Variants in ITGB5 observed in about 807,000 individuals in gnomAD.
The protein encoded by ITGB5 is integrin beta-5.
ITGB5 carries 38 observed loss-of-function variants against 84.8 expected under a neutral mutation model. The ratio of observed to expected loss-of-function variants is 0.45; its 90% CI spans 0.35 to 0.59. The LOEUF is 0.59. ITGB5 is among the 20% of genes least tolerant of loss of function. The pLI is 0.01. For missense variants in ITGB5, 905 were observed against 1,034.5 expected, an observed-to-expected ratio of 0.87 and a Z score of 1.72; for synonymous variants, 393 against 414.4, an observed-to-expected ratio of 0.95 and a Z score of 0.63.
At chr3:124,811,856 T>C (rs558466544) in intron 8 of ITGB5, among the ~76,000 whole-genome samples, 3 of 152,304 alleles carry the variant, frequency 2.0e-5, no homozygotes, top group South Asian at 2.1e-4. Context: ...CTGGGACCAC[T>C]CTGCTGCACA....
intron 5 of ITGB5, among the ~76,000 whole-genome samples, chr3:124,825,063 G>C (rs977330500): frequency 6.6e-6 from 1 of 152,258 alleles, no homozygotes; most frequent in East Asian, 1.9e-4. Context: ...TGGGCGTGGT[G>C]GTGGGTGCCT....
At chr3:124,790,706 CTTGTTCT>C (rs976344814) in intron 10 of ITGB5, among the ~76,000 whole-genome samples, 2 of 152,030 alleles carry the variant, frequency 1.3e-5, no homozygotes, top group Non-Finnish European at 1.5e-5. Context: ...CATGCTTCTT[CTTGTTCT>C]TTTTTTTTTT....
At chr3:124,829,007 T>C (rs2064822572) in intron 5 of ITGB5, among the ~76,000 whole-genome samples, 1 of 152,200 alleles carries the variant, frequency 6.6e-6, no homozygotes, top group South Asian at 2.1e-4. Flanking sequence ...ATGATACACA[T>C]TGAGCACCCC....
chr3:124,768,290 C>A (rs1440313357), intron 12 of ITGB5, among the ~76,000 whole-genome samples: 1 of 152,182 alleles, frequency 6.6e-6, no homozygotes, highest in Non-Finnish European at 1.5e-5. Context: ...CCATTTAAAC[C>A]ATTTTAAAGT....
chr3:124,848,144 G>A (rs148847558), intron 4 of ITGB5, among the ~76,000 whole-genome samples, 165 bp downstream of exon 4: 36 of 152,224 alleles, frequency 2.4e-4, no homozygotes, highest in African/African-American at 7.9e-4. Context: ...TTCTTCACAC[G>A]TCAGGAAAGG....
intron 8 of ITGB5, among the ~76,000 whole-genome samples, chr3:124,810,936 C>CTT (rs536499219): frequency 2.0e-5 from 3 of 151,872 alleles, no homozygotes; most frequent in South Asian, 2.1e-4. Context: ...TTCTTTCTTT[C>CTT]TCTTTTTTGC....
At chr3:124,798,499 A>T (rs1172842391) in intron 9 of ITGB5, among the ~76,000 whole-genome samples, 1 of 152,138 alleles carries the variant, frequency 6.6e-6, no homozygotes, top group Non-Finnish European at 1.5e-5. Context: ...GGCTCACTGC[A>T]GCCTCTGCCT....
chr3:124,848,536 T>C lies in ITGB5; in HGVS notation c.384A>G (p.Leu128=), dbSNP rs751972889. ...LRPGDKTTFQ[L]QVRQVEDYPV... ...GATAGTCCTCCACCTGGCGAACCTG[T>C]AGCTGGAAGGTGGTCTTGTCACCTG... is the stretch of plus-strand genomic sequence containing the variant. Residue 128 remains leucine (L), a synonymous_variant, in exon 4 of 15, where the codon CTA becomes CTG. Coordinates refer to ENST00000296181, the MANE Select transcript of ITGB5 (RefSeq NM_002213.5). 2.5e-6 allele frequency: 4 copies of C among 1,613,064 alleles called. No homozygotes were observed. In the East Asian group the frequency reaches 6.7e-5, roughly 27 times the overall value.
At chr3:124,770,075 C>T (rs1447575464) in intron 11 of ITGB5, 1 of 152,274 alleles carries the variant, frequency 6.6e-6, no homozygotes, top group Non-Finnish European at 1.5e-5. Context: ...GAACAGGATT[C>T]CTGAGGTCAC....
At chr3:124,802,563 A>G (rs1197465638) in intron 9 of ITGB5, among the ~76,000 whole-genome samples, 1 of 152,234 alleles carries the variant, frequency 6.6e-6, no homozygotes, top group African/African-American at 2.4e-5. Context: ...ATGCCTGTGC[A>G]GTCACAAGGG....
chr3:124,894,489 G>T (rs1405812623), intron 1 of ITGB5: 1 of 151,932 alleles, frequency 6.6e-6, no homozygotes, highest in Non-Finnish European at 1.5e-5. Flanking sequence ...TTTCACATCG[G>T]ATATTGCTTA....
intron 1 of ITGB5, among the ~76,000 whole-genome samples, chr3:124,880,471 C>T (rs1210197841): frequency 6.6e-6 from 1 of 152,078 alleles, no homozygotes; most frequent in Non-Finnish European, 1.5e-5. Context: ...TTTTAAGGGC[C>T]AGGCACACTG....
chr3:124,800,722 T>C (rs1006980730), intron 9 of ITGB5, among the ~76,000 whole-genome samples: 1 of 152,096 alleles, frequency 6.6e-6, no homozygotes, highest in African/African-American at 2.4e-5. Flanking sequence ...TCTGTTTGCT[T>C]ACCCCTCCTT....
chr3:124,796,963 G>C, intron 9 of ITGB5, 146 bp from the exon 10 acceptor site: 1 of 715,504 alleles, frequency 1.4e-6, no homozygotes, highest in East Asian at 2.7e-5. Context: ...GGCCGGAGTA[G>C]GAAGAGACCT....
At chr3:124,808,121 T>A (rs2064439044) in intron 9 of ITGB5, among the ~76,000 whole-genome samples, 1 of 152,218 alleles carries the variant, frequency 6.6e-6, no homozygotes, top group South Asian at 2.1e-4. Context: ...GCAAGCTCTT[T>A]CCCTGAAGCC....
chr3:124,877,653 C>T (rs1934387149), intron 1 of ITGB5, among the ~76,000 whole-genome samples: 1 of 152,002 alleles, frequency 6.6e-6, no homozygotes, highest in Admixed American at 6.6e-5. Flanking sequence ...GCCCTATCTA[C>T]AAAAAAGAGG....
intron 9 of ITGB5, among the ~76,000 whole-genome samples, chr3:124,797,736 C>G (rs996223937): frequency 6.6e-6 from 1 of 152,124 alleles, no homozygotes; most frequent in Non-Finnish European, 1.5e-5. Context: ...TCCTCACCCC[C>G]CTGAGGAGAG....
chr3:124,780,804 T>A (rs2063994377), intron 10 of ITGB5: 1 of 142,688 alleles, frequency 7.0e-6, no homozygotes, highest in Admixed American at 7.3e-5. Flanking sequence ...TCCCCTCTCC[T>A]CCGAAAAGGT....
At chr3:124,826,405 G>A (rs1350827805) in intron 5 of ITGB5, among the ~76,000 whole-genome samples, 1 of 152,204 alleles carries the variant, frequency 6.6e-6, no homozygotes, top group African/African-American at 2.4e-5. Flanking sequence ...TACCTGTGCA[G>A]TTTCAGCCAA....
Sources: allele counts gnomAD v4.1 joint callset (sites outside exome capture counted in the v4.1 genomes callset), GRCh38; gene constraint gnomAD v4.1.1; transcripts MANE v1.5; gene names NCBI Gene and HGNC (gene_info 2026-07-23, HGNC 2026-07-21).